RPH3A: variants seen among roughly 807,000 people sequenced by gnomAD.
RPH3A encodes rabphilin 3A.
RPH3A carries 48 observed loss-of-function variants against 102.2 expected under a neutral mutation model. The observed-to-expected ratio is 0.47, with a 90% CI of 0.37 to 0.60. The LOEUF (loss-of-function observed/expected upper bound fraction) is 0.60, where lower values mean the gene tolerates loss of function less well. Ranked by LOEUF, RPH3A falls within the 20% of genes least tolerant of loss-of-function variation. The pLI is 0.00. For missense variants in RPH3A, 781 were observed against 910.1 expected (o/e 0.86, Z 1.83); for synonymous variants, 310 against 324.3 (o/e 0.96, Z 0.47).
intron 4 of RPH3A, among the ~76,000 whole-genome samples, chr12:112,845,428 A>G (rs1162422200): frequency 2.0e-5 from 3 of 152,190 alleles, no homozygotes; most frequent in Non-Finnish European, 4.4e-5. Context: ...AGACAAAACC[A>G]GCTTGCTTCT....
chr12:112,708,261 G>T (rs2040437953), intron 1 of RPH3A, among the ~76,000 whole-genome samples: 2 of 152,130 alleles, frequency 1.3e-5, no homozygotes, highest in African/African-American at 4.8e-5. Flanking sequence ...TCTAAAGTCT[G>T]GCATGTAATT....
chr12:112,778,673 C>T (rs925145610), intron 1 of RPH3A, among the ~76,000 whole-genome samples: 2 of 152,202 alleles, frequency 1.3e-5, no homozygotes, highest in African/African-American at 4.8e-5. Context: ...ATTGCTCTCT[C>T]TCTTTTGCAT....
At chr12:112,849,011 C>T (rs2042278093) in intron 5 of RPH3A, among the ~76,000 whole-genome samples, 1 of 152,178 alleles carries the variant, frequency 6.6e-6, no homozygotes, top group African/African-American at 2.4e-5. Flanking sequence ...CCACCCTATG[C>T]CCCTACCCAA....
intron 1 of RPH3A, among the ~76,000 whole-genome samples, chr12:112,653,252 C>T (rs1380389167): frequency 1.3e-5 from 2 of 151,638 alleles, no homozygotes; most frequent in Non-Finnish European, 2.9e-5. Flanking sequence ...AGCCTGTATT[C>T]CCAGCTACTC....
chr12:112,733,118 C>T lies in RPH3A; in HGVS notation c.-139-59025C>T, dbSNP rs1029296139. The stretch of plus-strand genomic sequence containing the variant: ...ATGTTTGAGATAAGAACCTCATGCT[C>T]TGCAAGTTTCAAGCATGAGCCTGTG... On this transcript the variant is annotated intron_variant, in intron 1 of 21. Coordinates refer to the RPH3A transcript ENST00000543106. Among the ~76,000 whole-genome samples the T allele has an allele frequency of 2.0e-5, 3 of 152,150 alleles. 1 individual carries two copies. Among genetic ancestry groups the T allele is most frequent in the African/African-American group, 7.2e-5 (3 of 41,414 alleles).
chr12:112,829,931 G>A (rs1264755998), intron 3 of RPH3A, among the ~76,000 whole-genome samples: 1 of 152,206 alleles, frequency 6.6e-6, no homozygotes, highest in Non-Finnish European at 1.5e-5. Flanking sequence ...AAGTGTTAAA[G>A]TCATATGAGC....
At chr12:112,671,534 G>C (rs1200923220) in intron 1 of RPH3A, among the ~76,000 whole-genome samples, 1 of 152,120 alleles carries the variant, frequency 6.6e-6, no homozygotes, top group Non-Finnish European at 1.5e-5. Context: ...AATTCTCATG[G>C]CTACAGCTAG....
chr12:112,590,040 G>A (rs1447716858), intron 1 of RPH3A, among the ~76,000 whole-genome samples: 1 of 149,822 alleles, frequency 6.7e-6, no homozygotes, highest in Non-Finnish European at 1.5e-5. Flanking sequence ...CTGAGATCAT[G>A]CCACTGTACT....
intron 10 of RPH3A, chr12:112,874,828 G>A (rs935004132): frequency 1.5e-4 from 69 of 461,018 alleles, no homozygotes; most frequent in South Asian, 5.2e-4. Context: ...CTTGAGCAAC[G>A]TCACACAGGT....
rs757546615 is a variant in RPH3A at position 112,678,232 on chromosome 12, C to CGAAAGAAAGAAAGAAAGAAA, written c.-140+102968_-140+102987dup. Among the ~76,000 whole-genome samples, 6 of 74,728 alleles carry CGAAAGAAAGAAAGAAAGAAA rather than the reference C, an allele frequency of 8.0e-5. No homozygotes were observed. The East Asian group carries it at 2.1e-3, about 26-fold the overall frequency. 49.0% of individuals were successfully genotyped at this position (74,728 alleles called of 152,430 possible). A position where few individuals can be genotyped will look rare whatever the true frequency, so the allele number is the denominator to read the frequency against. ...CCTGGGCAACAGAGCAAGACCCTGT[C>CGAAAGAAAGAAAGAAAGAAA]GAAAGAAAGAAAGAAAGAAAGAAAG... On this transcript the variant is annotated intron_variant, in intron 1 of 21. Coordinates refer to the RPH3A transcript ENST00000543106.
At chr12:112,782,421 C>T (rs1392913497) in intron 1 of RPH3A, among the ~76,000 whole-genome samples, 1 of 152,226 alleles carries the variant, frequency 6.6e-6, no homozygotes, top group Non-Finnish European at 1.5e-5. Context: ...GAGCTTCAAT[C>T]TGGACTGGTG....
intron 1 of RPH3A, among the ~76,000 whole-genome samples, chr12:112,703,036 G>A (rs2040405398): frequency 6.6e-6 from 1 of 152,192 alleles, no homozygotes; most frequent in Non-Finnish European, 1.5e-5. Flanking sequence ...GGATGTGCCA[G>A]TTCTGAGCCT....
chr12:112,794,126 A>G (rs2041181007), intron 2 of RPH3A, among the ~76,000 whole-genome samples: 2 of 152,104 alleles, frequency 1.3e-5, no homozygotes, highest in African/African-American at 2.4e-5. Context: ...GAAGTGGTGC[A>G]TTGTGGTGCA....
intron 1 of RPH3A, among the ~76,000 whole-genome samples, chr12:112,712,999 CTCTTCCTCT>C (rs2040482319): frequency 4.4e-5 from 3 of 67,476 alleles, no homozygotes; most frequent in African/African-American, 6.5e-5. Context: ...CTTTGTCTTC[CTCTTCCTCT>C]TCCTCTTCCT....
At chr12:112,835,347 A>G (rs576667727) in intron 3 of RPH3A, among the ~76,000 whole-genome samples, 1 of 152,206 alleles carries the variant, frequency 6.6e-6, no homozygotes, top group African/African-American at 2.4e-5. Context: ...TGAAGGGTGG[A>G]TGGGGTAAAA....
At chr12:112,808,512 G>A (rs552985588) in intron 2 of RPH3A, among the ~76,000 whole-genome samples, 1 of 152,318 alleles carries the variant, frequency 6.6e-6, no homozygotes, top group Admixed American at 6.5e-5. Flanking sequence ...AAAAGGGAAA[G>A]GCAACAAGCC....
intron 1 of RPH3A, among the ~76,000 whole-genome samples, chr12:112,683,636 G>A (rs756037911): frequency 6.6e-6 from 1 of 152,198 alleles, no homozygotes; most frequent in Admixed American, 6.5e-5. Flanking sequence ...TACCCTCTGA[G>A]TGACTGTGTA....
In RPH3A at chr12:112,868,585, T is replaced by C; in HGVS notation, c.600T>C (p.Ala200=). The C allele has an allele frequency of 6.2e-7, 1 of 1,613,962 alleles. No individual in the cohort carries two copies. ...CTGAGCCCAAGCACCCTGCCCGGGC[T>C]CCAGCTCGAGGTAGGACAAAACAGG... ...PAPEPKHPAR[A]PARGDSEDRR... is the part of the protein sequence containing the mutation. Residue 200 remains alanine, a synonymous_variant, in exon 8 of 22, where the codon GCT becomes GCC. Coordinates refer to ENST00000389385, the MANE Select transcript of RPH3A (RefSeq NM_001143854.2).
At chr12:112,852,266 G>C (rs1048499136) in intron 5 of RPH3A, among the ~76,000 whole-genome samples, 1 of 152,174 alleles carries the variant, frequency 6.6e-6, no homozygotes, top group Admixed American at 6.5e-5. Flanking sequence ...GTGTTGCCTG[G>C]TCTCTTAACA....
Sources: allele counts gnomAD v4.1 joint callset (sites outside exome capture counted in the v4.1 genomes callset), GRCh38; gene constraint gnomAD v4.1.1; transcripts MANE v1.5; gene names NCBI Gene and HGNC (gene_info 2026-07-23, HGNC 2026-07-21).